ZC3H3: variants seen among roughly 807,000 people sequenced by gnomAD.
ZC3H3 encodes zinc finger CCCH domain-containing protein 3.
In ZC3H3, 36 loss-of-function variants were observed where a neutral mutation model predicts 77.3. The observed-to-expected ratio is 0.47, with a 90% CI of 0.36 to 0.61. ZC3H3 has a LOEUF of 0.61. ZC3H3 is among the 20% of genes least tolerant of loss of function. ZC3H3 has a pLI of 0.00. For missense variants in ZC3H3, 1,331 were observed against 1,312.2 expected, an observed-to-expected ratio of 1.01 and a Z score of -0.22; for synonymous variants, 626 against 555.2, an observed-to-expected ratio of 1.13 and a Z score of -1.79.
At chr8:143,509,332 C>T (rs1821803385) in intron 3 of ZC3H3, among the ~76,000 whole-genome samples, 5 of 152,248 alleles carry the variant, frequency 3.3e-5, no homozygotes. Context: ...TCAATAACCC[C>T]GAGGTGACCT....
Position 143,462,981 on chromosome 8 carries a change from G to A in ZC3H3, c.2307+2736C>T, listed in dbSNP as rs1388913619. ...CCACCAGGAGCAGCGCCCAGACCCT[G>A]AGTCTCTTTTTTTTTTTTTGAGACA... On this transcript the variant is annotated intron_variant, in intron 9 of 11. Transcript: ENST00000262577. The surrounding 1 kb of genome is among the most constrained non-coding windows in gnomAD (Gnocchi z 4.7). Among the ~76,000 whole-genome samples the A allele has an allele frequency of 7.3e-6, 1 of 136,292 alleles. No individual in the cohort carries two copies. Among genetic ancestry groups the A allele is most frequent in the Non-Finnish European group, 1.6e-5 (1 of 61,994 alleles). The allele number at this position is 136,292 out of a possible 152,430, so 89.4% of individuals were successfully genotyped here.
chr8:143,538,454 T>C lies in ZC3H3; in HGVS notation c.913A>G (p.Lys305Glu), dbSNP rs771610856. The C allele has an allele frequency of 4.5e-5, 73 of 1,613,160 alleles. No homozygotes were observed. The highest frequency in any genetic ancestry group is 5.9e-5 in the Non-Finnish European group (70 of 1,180,038). Reference protein sequence around the residue: ...ASLVVTCRTNKFRKNNYKWVA... With the variant: ...ASLVVTCRTNEFRKNNYKWVA... ...CATTTGTAGTTGTTTTTCCGGAACT[T>C]GTTAGTTCGACAGGTCACAACCAGC... Residue 305 changes from lysine (K) to glutamate (E), a missense_variant, in exon 2 of 12, where the codon AAG becomes GAG. Around this residue, in one of 3 missense-constraint regions of ZC3H3, gnomAD observed 978 missense variants for 915.5 expected, o/e 1.07. Coordinates refer to ENST00000262577, the MANE Select transcript of ZC3H3 (RefSeq NM_015117.3).
chr8:143,441,929 A>G (rs192684191), intron 9 of ZC3H3, among the ~76,000 whole-genome samples: 2 of 152,122 alleles, frequency 1.3e-5, no homozygotes, highest in African/African-American at 2.4e-5. Context: ...TCTTCATGGG[A>G]CTAAGCGACA....
Position 143,541,442 on chromosome 8 carries a change from G to A in ZC3H3, c.-21C>T, listed in dbSNP as rs1424206386. 2.4e-5 allele frequency: 38 copies of A among 1,611,454 alleles called. No homozygotes were observed. Among genetic ancestry groups the A allele is most frequent in the Non-Finnish European group, 3.2e-5 (38 of 1,179,356 alleles). ...TCCATCTCCCGAGTCCGCGACGGCC[G>A]GCCAGGCCCCCACGACGTCATCGCT... On this transcript the variant is annotated 5_prime_UTR_variant, in exon 1 of 12. Coordinates refer to ENST00000262577, the MANE Select transcript of ZC3H3 (RefSeq NM_015117.3).
In ZC3H3 at chr8:143,460,006, G is replaced by A. The variant is rs1016864298; in HGVS notation, c.2307+5711C>T. 2.6e-5 allele frequency among the ~76,000 whole-genome samples: 4 copies of A among 152,046 alleles called. No homozygotes were observed. Among genetic ancestry groups the A allele is most frequent in the Admixed American group, 2.0e-4 (3 of 15,258 alleles). On this transcript the variant is annotated intron_variant, in intron 9 of 11. Coordinates refer to ENST00000262577, the MANE Select transcript of ZC3H3 (RefSeq NM_015117.3). The surrounding 1 kb of genome is among the most constrained non-coding windows in gnomAD (Gnocchi z 4.0). ...TCACACCTATAATCCCAGCACTTTG[G>A]GAGGCCAAGGCAGGCGGATCATCTG...
intron 4 of ZC3H3, among the ~76,000 whole-genome samples, chr8:143,498,352 G>A (rs386159): frequency 0.028 from 4,246 of 152,288 alleles, 178 homozygotes; most frequent in African/African-American, 0.096. Context: ...TCTGGCTCGG[G>A]GGGAATCAGG....
chr8:143,537,409 G>A (rs1822837371), intron 2 of ZC3H3, among the ~76,000 whole-genome samples: 2 of 152,186 alleles, frequency 1.3e-5, no homozygotes, highest in African/African-American at 2.4e-5. Context: ...AGCAGCCCCC[G>A]GCCCCTGCCC....
In ZC3H3 at chr8:143,536,275, G is replaced by A. The variant is rs1208411044; in HGVS notation, c.1543C>T (p.His515Tyr). Reference sequence around the variant, plus strand: ...AGCATACCTTCCTTGGTGGGGAGGTGGGCCCGGCTCGGTGGCAGGCGACAT... The same window carrying A: ...AGCATACCTTCCTTGGTGGGGAGGTAGGCCCGGCTCGGTGGCAGGCGACAT... ...RLCRLPPSRAHLPTKEASSLH... is the reference protein window; with the variant it reads ...RLCRLPPSRAYLPTKEASSLH... The change falls in exon 3 of 12, where the codon CAC (histidine) becomes TAC (tyrosine). Residue 515 changes from histidine to tyrosine, a missense_variant. By Grantham distance (83) the His-to-Tyr change is moderately conservative. Around this residue, in one of 3 missense-constraint regions of ZC3H3, gnomAD observed 978 missense variants for 915.5 expected, o/e 1.07. Transcript: ENST00000262577. 1.9e-6 allele frequency: 3 copies of A among 1,611,372 alleles called. No homozygotes were observed. Among genetic ancestry groups the A allele is most frequent in the Non-Finnish European group, 2.5e-6 (3 of 1,179,636 alleles).
At chr8:143,534,069 A>G (rs1805227598) in intron 3 of ZC3H3, among the ~76,000 whole-genome samples, 1 of 151,942 alleles carries the variant, frequency 6.6e-6, no homozygotes, top group Admixed American at 6.5e-5. Context: ...GGATCACTTG[A>G]GCCCAGAAGT....
At chr8:143,526,870 GC>G (rs924806708) in intron 3 of ZC3H3, among the ~76,000 whole-genome samples, 18 of 152,312 alleles carry the variant, frequency 1.2e-4, no homozygotes, top group Admixed American at 2.6e-4. Flanking sequence ...GCAGAGCCAT[GC>G]CCCCATTACT....
intron 3 of ZC3H3, among the ~76,000 whole-genome samples, chr8:143,527,333 A>G (rs1028537214): frequency 6.6e-6 from 1 of 152,126 alleles, no homozygotes; most frequent in Non-Finnish European, 1.5e-5. Flanking sequence ...TCCATTCAAC[A>G]AAAGGAGCAG....
At chr8:143,484,801 G>A (rs1307403057) in intron 4 of ZC3H3, 2 of 429,382 alleles carry the variant, frequency 4.7e-6, no homozygotes, top group South Asian at 1.7e-5. Context: ...GGTCACTGCT[G>A]TCTAAAGAGA....
chr8:143,507,881 A>G lies in ZC3H3; in HGVS notation c.1580T>C (p.Val527Ala). ...PTKEASSLHA[V>A]RTAPTSKVIK... ...CACCTTGCTGGTGGGTGCAGTCCGC[A>G]CGGCATGCAGGCTGGACGCTGTAGA... Residue 527 changes from valine (V) to alanine (A), a missense_variant, in exon 4 of 12, where the codon GTG becomes GCG. Physicochemically the swap from Val to Ala is moderately conservative, Grantham distance 64. Around this residue, in one of 3 missense-constraint regions of ZC3H3, gnomAD observed 978 missense variants for 915.5 expected, o/e 1.07. Transcript: ENST00000262577. The G allele has an allele frequency of 6.2e-7, 1 of 1,602,064 alleles. No individual in the cohort carries two copies. Among genetic ancestry groups the G allele is most frequent in the Non-Finnish European group, 8.5e-7 (1 of 1,173,132 alleles).
chr8:143,453,098 T>C (rs902107879), intron 9 of ZC3H3, among the ~76,000 whole-genome samples: 1 of 152,140 alleles, frequency 6.6e-6, no homozygotes, highest in African/African-American at 2.4e-5. Context: ...TACATTATGT[T>C]TGTTTTTTTG....
At chr8:143,537,094 C>G (rs1007002242) in intron 2 of ZC3H3, among the ~76,000 whole-genome samples, 1 of 152,184 alleles carries the variant, frequency 6.6e-6, no homozygotes, top group African/African-American at 2.4e-5. Context: ...GAGGCAGGAC[C>G]CCCGCCCTCT....
At chr8:143,514,482 A>G (rs1821969399) in intron 3 of ZC3H3, among the ~76,000 whole-genome samples, 1 of 152,180 alleles carries the variant, frequency 6.6e-6, no homozygotes, top group Admixed American at 6.5e-5. Context: ...ACACAAGTGC[A>G]CTCAGGAGCA....
chr8:143,448,960 T>G (rs1266303703), intron 9 of ZC3H3, among the ~76,000 whole-genome samples: 1 of 152,196 alleles, frequency 6.6e-6, no homozygotes, highest in East Asian at 1.9e-4. Context: ...TTCCAAGGCT[T>G]ACTATGGTTT....
intron 9 of ZC3H3, among the ~76,000 whole-genome samples, chr8:143,461,074 G>T (rs906749942): frequency 1.6e-4 from 25 of 152,102 alleles, no homozygotes; most frequent in Non-Finnish European, 2.6e-4. Context: ...GTGCCATTTT[G>T]ACGCTTAAAA....
intron 9 of ZC3H3, among the ~76,000 whole-genome samples, chr8:143,442,543 G>A (rs1363754209): frequency 6.6e-6 from 1 of 151,834 alleles, no homozygotes; most frequent in Non-Finnish European, 1.5e-5. Flanking sequence ...CAGGTCCACT[G>A]TTCACAAAGG....
Sources: gnomAD v4.1 joint callset for allele counts (sites outside exome capture counted in the v4.1 genomes callset) on GRCh38, gnomAD v4.1.1 for gene constraint, gnomAD v4.1.1 regional missense constraint, Gnocchi (gnomAD v3.1) non-coding constraint, MANE v1.5 for transcripts, NCBI Gene and HGNC (gene_info 2026-07-23, HGNC 2026-07-21) for gene names.